The following GLIS3 variants were observed in gnomAD, a reference collection of about 807,000 sequenced individuals.
GLIS3 encodes GLIS family zinc finger 3.
Under a neutral mutation model 78.6 loss-of-function variants are expected in GLIS3, and 53 were observed. That is an observed-to-expected ratio of 0.67 (90% CI 0.54 to 0.85). GLIS3 has a LOEUF of 0.85. GLIS3 is among the 40% of genes least tolerant of loss of function. GLIS3 has a pLI of 0.00. For missense variants in GLIS3, 1,703 were observed against 1,231.1 expected (o/e 1.38, Z -5.74); for synonymous variants, 684 against 509.9 (o/e 1.34, Z -4.60).
intron 9 of GLIS3, among the ~76,000 whole-genome samples, chr9:3,845,443 C>T (rs1818970262): frequency 6.6e-6 from 1 of 152,064 alleles, no homozygotes; most frequent in South Asian, 2.1e-4. Flanking sequence ...TTTTAATAGT[C>T]ATTACCTTTG....
At chr9:4,046,356 A>G (rs909856254) in intron 4 of GLIS3, among the ~76,000 whole-genome samples, 5 of 152,180 alleles carry the variant, frequency 3.3e-5, no homozygotes, top group African/African-American at 1.2e-4. Context: ...AAGACCCTGA[A>G]TGGTACAGTA....
intron 1 of GLIS3, among the ~76,000 whole-genome samples, chr9:4,297,331 A>G (rs183605765): frequency 1.4e-4 from 21 of 152,342 alleles, no homozygotes; most frequent in African/African-American, 5.1e-4. Context: ...AGGGTCTGCG[A>G]CAACTGGCTG....
At chr9:4,203,471 G>A (rs924741234) in intron 2 of GLIS3, among the ~76,000 whole-genome samples, 4 of 152,154 alleles carry the variant, frequency 2.6e-5, no homozygotes, top group African/African-American at 7.2e-5. Flanking sequence ...ATGACTGCAC[G>A]TCCTGCACAT....
chr9:4,118,044 C>T lies in GLIS3; in HGVS notation c.1434G>A (p.Gln478=), dbSNP rs756357644. ...GGGTGGCCTGGGGCAAGGCCAGCTG[C>T]TGGGCGTGGGGCCCGAGCTCCGGGT... The part of the protein sequence containing the change: ...LHHPELGPHA[Q]QLALPQATLD... The change falls in exon 4 of 11, where the codon CAG becomes CAA. Residue 478 remains glutamine (Q), a synonymous_variant. Coordinates refer to ENST00000381971, the MANE Select transcript of GLIS3 (RefSeq NM_001042413.2). This position sits in a 1 kb window ranked among gnomAD's most constrained non-coding sequence, Gnocchi z 4.7. 2 of 1,525,562 alleles carry T rather than the reference C, an allele frequency of 1.3e-6. No individual in the cohort carries two copies. Among genetic ancestry groups the T allele is most frequent in the South Asian group, 2.3e-5 (2 of 87,704 alleles). 94.5% of individuals were successfully genotyped at this position (1,525,562 alleles called of 1,614,324 possible). A position where few individuals can be genotyped will look rare whatever the true frequency, so the allele number is the denominator to read the frequency against.
the GLIS3 span, among the ~76,000 whole-genome samples, chr9:4,479,651 T>A: frequency 6.6e-6 from 1 of 152,056 alleles, no homozygotes; most frequent in South Asian, 2.1e-4. Context: ...AATCTCAGAG[T>A]ATCTCTCCAC....
intron 4 of GLIS3, among the ~76,000 whole-genome samples, chr9:4,101,115 G>T (rs539014255): frequency 6.6e-6 from 1 of 152,300 alleles, no homozygotes; most frequent in South Asian, 2.1e-4. Context: ...CCTGGGTCCT[G>T]GTTCACAACC....
intron 8 of GLIS3, among the ~76,000 whole-genome samples, chr9:3,870,620 A>G (rs1214185104): frequency 6.6e-6 from 1 of 152,210 alleles, no homozygotes; most frequent in African/African-American, 2.4e-5. Flanking sequence ...CAAAAGCAGA[A>G]CCCCCTGATA....
chr9:4,286,415 C>A lies in GLIS3; in HGVS notation c.11G>T (p.Arg4Ile), dbSNP rs1461118274. 7 of 1,614,038 alleles carry A rather than the reference C, an allele frequency of 4.3e-6. No homozygotes were observed. Among genetic ancestry groups the A allele is most frequent in the East Asian group, 2.2e-5 (1 of 44,878 alleles). ...CCGGTGGAGACTCATGCTGCATGAT[C>A]TTCCATTCATTCTGAAAAACCTGTG... Reference protein sequence around the residue: MNGRSCSMSLHRTS... With the variant: MNGISCSMSLHRTS... The change falls in exon 2 of 11, where the codon AGA becomes ATA. Residue 4 changes from arginine to isoleucine, a missense_variant. Physicochemically the swap from Arg to Ile is moderately conservative, Grantham distance 97. Coordinates refer to ENST00000381971, the MANE Select transcript of GLIS3 (RefSeq NM_001042413.2).
rs541068813 is a variant in GLIS3 at position 4,091,825 on chromosome 9, G to A, written c.1710+25943C>T. On this transcript the variant is annotated intron_variant, in intron 4 of 10. Transcript: ENST00000381971. ...CTCGGGCAGTTCTTTATAGCAGCGTGAGAAACAGAATAATACAGTAAGTAT... is the reference window on the plus strand; with the variant it reads ...CTCGGGCAGTTCTTTATAGCAGCGTAAGAAACAGAATAATACAGTAAGTAT... Among the ~76,000 whole-genome samples, 130 of 152,202 alleles carry A rather than the reference G, an allele frequency of 8.5e-4. 2 individuals carry two copies. Among genetic ancestry groups the A allele is most frequent in the Admixed American group, 2.4e-3 (36 of 15,292 alleles).
intron 2 of GLIS3, among the ~76,000 whole-genome samples, chr9:4,247,278 C>T (rs977215217): frequency 5.9e-5 from 9 of 152,056 alleles, no homozygotes; most frequent in Non-Finnish European, 8.8e-5. Flanking sequence ...AGCCTTAAAG[C>T]TGAAAGTACG....
chr9:4,479,900 T>A, the GLIS3 span, among the ~76,000 whole-genome samples: 1 of 140,030 alleles, frequency 7.1e-6, no homozygotes, highest in African/African-American at 2.6e-5. Flanking sequence ...AATAATTTCT[T>A]CTTCTTTTTT....
intron 4 of GLIS3, chr9:4,071,387 G>A (rs1359112843): frequency 2.0e-5 from 3 of 152,088 alleles, no homozygotes; most frequent in Non-Finnish European, 4.4e-5. Context: ...TGATCCTAGA[G>A]AAACAGAAAA....
At chr9:4,103,353 A>G (rs1471615799) in intron 4 of GLIS3, among the ~76,000 whole-genome samples, 1 of 152,162 alleles carries the variant, frequency 6.6e-6, no homozygotes, top group East Asian at 1.9e-4. Context: ...TAGCCATTTC[A>G]TATTGTTTCT....
intron 4 of GLIS3, among the ~76,000 whole-genome samples, chr9:4,024,588 CAGAGTGTATGATAGAT>C (rs1823161953): frequency 6.6e-6 from 1 of 152,136 alleles, no homozygotes; most frequent in Admixed American, 6.6e-5. Flanking sequence ...GTGGGAAGCT[CAGAGTGTATGATAGAT>C]AGGTTGCCTC....
At chr9:3,829,206 C>G in intron 10 of GLIS3, 104 bp downstream of exon 10, 2 of 922,592 alleles carry the variant, frequency 2.2e-6, no homozygotes, top group Non-Finnish European at 3.6e-6. Flanking sequence ...GGATTTGATG[C>G]GGTCATGTGC....
the GLIS3 span, among the ~76,000 whole-genome samples, chr9:4,489,346 C>A: frequency 6.6e-6 from 1 of 151,996 alleles, no homozygotes; most frequent in Non-Finnish European, 1.5e-5. Flanking sequence ...CAATTTACAC[C>A]AAAGGGATGA....
chr9:3,914,144 CTT>C (rs769787406), intron 6 of GLIS3, among the ~76,000 whole-genome samples: 24 of 126,296 alleles, frequency 1.9e-4, no homozygotes, highest in Non-Finnish European at 3.7e-4. Context: ...TAGTTTCTTT[CTT>C]TCTTTCTCTT....
chr9:3,936,363 G>T (rs1825898258), intron 5 of GLIS3, among the ~76,000 whole-genome samples: 1 of 152,208 alleles, frequency 6.6e-6, no homozygotes. Context: ...GCAAAATGTT[G>T]TAGCATTAAG....
At chr9:4,366,165 C>T in the GLIS3 span, among the ~76,000 whole-genome samples, 10 of 152,270 alleles carry the variant, frequency 6.6e-5, no homozygotes, top group South Asian at 6.2e-4. Context: ...TAACTTTAAC[C>T]GTCCTTAATT....
Sources: gnomAD v4.1 joint callset for allele counts (sites outside exome capture counted in the v4.1 genomes callset) on GRCh38, gnomAD v4.1.1 for gene constraint, Gnocchi (gnomAD v3.1) non-coding constraint, MANE v1.5 for transcripts, NCBI Gene and HGNC (gene_info 2026-07-23, HGNC 2026-07-21) for gene names.